The following MCTP1 variants were observed in gnomAD, a reference collection of about 807,000 sequenced individuals.
MCTP1 encodes multiple C2 and transmembrane domain-containing protein 1.
In MCTP1, 69 loss-of-function variants were observed where a neutral mutation model predicts 120.6. The ratio of observed to expected loss-of-function variants is 0.57; its 90% CI spans 0.47 to 0.70. The LOEUF is 0.70. Ranked by LOEUF, MCTP1 falls within the 30% of genes least tolerant of loss-of-function variation. The probability of loss-of-function intolerance (pLI) is 0.00; values close to 1 mark genes in which losing one functional copy is unlikely to be tolerated. For synonymous variants in MCTP1, 529 were observed against 493.1 expected (o/e 1.07, Z -0.96); for missense variants, 1,203 against 1,248.8 (o/e 0.96, Z 0.55).
At chr5:94,760,694 T>G (rs930577691) in intron 19 of MCTP1, among the ~76,000 whole-genome samples, 37 of 137,310 alleles carry the variant, frequency 2.7e-4, no homozygotes, top group Admixed American at 1.6e-3. Flanking sequence ...ACAAAATTGT[T>G]TTTTTTTTTT....
chr5:95,077,437 T>C (rs1352699648), intron 1 of MCTP1, among the ~76,000 whole-genome samples: 2 of 152,164 alleles, frequency 1.3e-5, no homozygotes, highest in Non-Finnish European at 2.9e-5. Context: ...CATTTAGCTT[T>C]TGAATCAAGG....
At chr5:94,871,440 A>G (rs778218500) in intron 13 of MCTP1, 23 bp from the exon 14 acceptor site, 44 of 1,498,086 alleles carry the variant, frequency 2.9e-5, no homozygotes, top group Non-Finnish European at 3.9e-5. Context: ...TATATGTAAG[A>G]AAAAAAGATT....
At chr5:95,006,770 T>C (rs1834845054) in intron 2 of MCTP1, among the ~76,000 whole-genome samples, 1 of 152,192 alleles carries the variant, frequency 6.6e-6, no homozygotes, top group Admixed American at 6.5e-5. Context: ...GAAAAAAGGA[T>C]CAACCATAAT....
intron 1 of MCTP1, among the ~76,000 whole-genome samples, chr5:95,147,809 T>A (rs1263655231): frequency 1.3e-5 from 2 of 152,218 alleles, no homozygotes; most frequent in East Asian, 1.9e-4. Flanking sequence ...ATCTATGTGC[T>A]TAAGTGTGTT....
chr5:95,041,094 A>T (rs545751695), intron 1 of MCTP1, among the ~76,000 whole-genome samples: 2 of 152,148 alleles, frequency 1.3e-5, no homozygotes, highest in South Asian at 4.2e-4. Context: ...TGTTACTTGC[A>T]ACCCAAAGCA....
chr5:95,253,395 C>T (rs1757571907), intron 1 of MCTP1, among the ~76,000 whole-genome samples: 1 of 152,034 alleles, frequency 6.6e-6, no homozygotes, highest in Admixed American at 6.6e-5. Flanking sequence ...TTAATAATTC[C>T]ATTCAAAACA....
chr5:95,139,851 A>T (rs1194802399), intron 1 of MCTP1, among the ~76,000 whole-genome samples: 2 of 152,254 alleles, frequency 1.3e-5, no homozygotes, highest in Non-Finnish European at 2.9e-5. Flanking sequence ...TAAATGGTTG[A>T]ATAATAAATG....
intron 1 of MCTP1, among the ~76,000 whole-genome samples, chr5:95,098,014 C>T (rs960536555): frequency 6.6e-6 from 1 of 152,146 alleles, no homozygotes; most frequent in Non-Finnish European, 1.5e-5. Flanking sequence ...CCAGAAGTTT[C>T]TGACATATTT....
At position 95,163,608 on chromosome 5, in the gene MCTP1, G is replaced by A. The variant is rs140197516; in HGVS notation, c.720+120248C>T. On this transcript the variant is annotated intron_variant, in intron 1 of 22. Coordinates refer to ENST00000515393, the MANE Select transcript of MCTP1 (RefSeq NM_024717.7). ...AGTATATACAATATTTAAATGCCTC[G>A]AAATTTTGTATGATTTGCTACTCTT... is the stretch of plus-strand genomic sequence containing the variant. 1.5e-3 allele frequency among the ~76,000 whole-genome samples: 231 copies of A among 152,232 alleles called. 2 individuals are homozygous for A. Among genetic ancestry groups the A allele is most frequent in the African/African-American group, 5.3e-3 (220 of 41,568 alleles).
At chr5:94,981,922 A>G (rs528856826) in intron 2 of MCTP1, among the ~76,000 whole-genome samples, 1 of 152,314 alleles carries the variant, frequency 6.6e-6, no homozygotes, top group South Asian at 2.1e-4. Context: ...GTAAATTAAA[A>G]TAAGAGAGCA....
At chr5:94,925,556 G>A (rs908862585) in intron 6 of MCTP1, among the ~76,000 whole-genome samples, 2 of 151,878 alleles carry the variant, frequency 1.3e-5, no homozygotes, top group South Asian at 2.1e-4. Flanking sequence ...CTACAGGTGC[G>A]CGCCACCACA....
chr5:94,803,337 A>G (rs1287604122), intron 17 of MCTP1, among the ~76,000 whole-genome samples: 1 of 152,196 alleles, frequency 6.6e-6, no homozygotes, highest in Non-Finnish European at 1.5e-5. Context: ...CTCTCTATCA[A>G]CTGGCTTTGG....
intron 7 of MCTP1, among the ~76,000 whole-genome samples, chr5:94,920,021 C>T (rs1811138010): frequency 6.6e-6 from 1 of 152,116 alleles, no homozygotes; most frequent in Non-Finnish European, 1.5e-5. Flanking sequence ...TTTGTATTTC[C>T]ATTGCTTCTT....
At chr5:94,932,695 T>C (rs17337033) in intron 5 of MCTP1, among the ~76,000 whole-genome samples, 16 of 151,948 alleles carry the variant, frequency 1.1e-4, no homozygotes, top group South Asian at 8.3e-4. Context: ...CTCTTCACTT[T>C]AAAAAATTTC....
chr5:94,734,934 C>T (rs779234983), intron 19 of MCTP1, among the ~76,000 whole-genome samples: 7 of 151,968 alleles, frequency 4.6e-5, no homozygotes, highest in African/African-American at 7.3e-5. Flanking sequence ...TTATTTAATC[C>T]GTTTTCCCTT....
intron 1 of MCTP1, among the ~76,000 whole-genome samples, chr5:95,115,840 C>A (rs1214262283): frequency 6.6e-6 from 1 of 152,034 alleles, no homozygotes; most frequent in African/African-American, 2.4e-5. Flanking sequence ...ATTTAATAAT[C>A]AAACTCCCAA....
chr5:95,067,233 T>C (rs1750909166), intron 1 of MCTP1, among the ~76,000 whole-genome samples: 1 of 152,156 alleles, frequency 6.6e-6, no homozygotes, highest in African/African-American at 2.4e-5. Context: ...AGGGTGAGTA[T>C]AATTAACAAT....
intron 11 of MCTP1, among the ~76,000 whole-genome samples, chr5:94,891,763 T>TAAAA (rs904952695): frequency 3.3e-5 from 5 of 149,326 alleles, no homozygotes; most frequent in Admixed American, 2.6e-4. Flanking sequence ...AATAAATAAA[T>TAAAA]AAATAAATAA....
intron 16 of MCTP1, among the ~76,000 whole-genome samples, chr5:94,869,395 A>G (rs1421328675): frequency 6.6e-6 from 1 of 152,062 alleles, no homozygotes; most frequent in African/African-American, 2.4e-5. Flanking sequence ...AGTTTTAACA[A>G]GTGGCTAAAA....
Sources: gnomAD v4.1 joint callset for allele counts (sites outside exome capture counted in the v4.1 genomes callset) on GRCh38, gnomAD v4.1.1 for gene constraint, MANE v1.5 for transcripts, NCBI Gene and HGNC (gene_info 2026-07-23, HGNC 2026-07-21) for gene names.